The following ATP1A1 variants were observed in gnomAD, a reference collection of about 807,000 sequenced individuals.
ATP1A1 encodes the protein ATPase Na+/K+ transporting subunit alpha 1.
Under a neutral mutation model 114.8 loss-of-function variants are expected in ATP1A1, and 14 were observed. The ratio of observed to expected loss-of-function variants is 0.12; its 90% CI spans 0.08 to 0.19. ATP1A1 has a LOEUF of 0.19. ATP1A1 is among the 10% of genes least tolerant of loss of function. ATP1A1 has a pLI of 1.00. For missense variants in ATP1A1, 524 were observed against 1,290.7 expected (o/e 0.41, Z 9.10); for synonymous variants, 471 against 466.3 (o/e 1.01, Z -0.13).
intron 1 of ATP1A1, among the ~76,000 whole-genome samples, chr1:116,379,444 A>G (rs1651594541): frequency 6.6e-6 from 1 of 152,200 alleles, no homozygotes; most frequent in Non-Finnish European, 1.5e-5. Flanking sequence ...GTACTATGAC[A>G]GTGTCCTCCC....
chr1:116,388,115 G>A lies in ATP1A1; in HGVS notation c.388-16G>A, dbSNP rs771406455. 2.5e-6 allele frequency: 4 copies of A among 1,580,792 alleles called. No homozygotes were observed. The highest frequency in any genetic ancestry group is 1.1e-5 in the South Asian group (1 of 89,210). On this transcript the variant is annotated splice_polypyrimidine_tract_variant and intron_variant, in intron 4 of 22. Coordinates refer to ENST00000295598, the MANE Select transcript of ATP1A1 (RefSeq NM_000701.8). The surrounding 1 kb of genome is among the most constrained non-coding windows in gnomAD (Gnocchi z 5.6). ...TGTGTAGAGCCACGGGCCCTAACTT[G>A]TCTTTTCCCTTCCAGCTGTACCTGG...
chr1:116,377,712 C>G (rs1348944378), intron 1 of ATP1A1, among the ~76,000 whole-genome samples: 1 of 152,186 alleles, frequency 6.6e-6, no homozygotes, highest in African/African-American at 2.4e-5. Flanking sequence ...CTTCTAGCTG[C>G]CGAGGGCTCT....
chr1:116,403,357 A>G (rs1452739079), intron 21 of ATP1A1, among the ~76,000 whole-genome samples: 1 of 152,194 alleles, frequency 6.6e-6, no homozygotes, highest in Non-Finnish European at 1.5e-5. Context: ...CTTCGGGCTC[A>G]GCTTTTTTCA....
At chr1:116,383,941 C>T in intron 1 of ATP1A1, 73 bp from the exon 2 acceptor site, 11 of 1,288,356 alleles carry the variant, frequency 8.5e-6, no homozygotes, top group East Asian at 7.0e-5. Context: ...TACCAAAATC[C>T]CCTGCTCCAG....
rs1653127870 is a variant in ATP1A1, at chr1:116,398,561, A to G, written c.2125-60A>G. The G allele has an allele frequency of 2.5e-5, 39 of 1,572,144 alleles. No individual in the cohort carries two copies. Among genetic ancestry groups the G allele is most frequent in the Non-Finnish European group, 3.4e-5 (39 of 1,154,442 alleles). Reference sequence around the variant, plus strand: ...AGTGCTCAGTGGGGGCATGCATCGCACTATTTCCATCGCTAGGAAAAGTGA... The same window carrying G: ...AGTGCTCAGTGGGGGCATGCATCGCGCTATTTCCATCGCTAGGAAAAGTGA... On this transcript the variant is annotated intron_variant, in intron 15 of 22. Transcript: ENST00000295598. This position sits in a 1 kb window ranked among gnomAD's most constrained non-coding sequence, Gnocchi z 6.1.
Position 116,387,334 on chromosome 1 carries a change from C to T in ATP1A1, c.230C>T (p.Pro77Leu). ...RAAEILARDG[P>L]NALTPPPTTP... ...GCTGAGATCCTGGCGCGAGATGGTCCCAACGCCCTCACTCCCCCTCCCACT... is the reference window on the plus strand; with the variant it reads ...GCTGAGATCCTGGCGCGAGATGGTCTCAACGCCCTCACTCCCCCTCCCACT... The change falls in exon 4 of 23, where the codon CCC (proline) becomes CTC (leucine). Residue 77 changes from proline (P) to leucine (L), a missense_variant. Coordinates refer to ENST00000295598, the MANE Select transcript of ATP1A1 (RefSeq NM_000701.8). The surrounding 1 kb of genome is among the most constrained non-coding windows in gnomAD (Gnocchi z 6.7). 6.2e-7 allele frequency: 1 copy of T among 1,614,180 alleles called. No individual in the cohort carries two copies. The highest frequency in any genetic ancestry group is 1.1e-5 in the South Asian group (1 of 91,084).
chr1:116,373,874 G>T, intron 1 of ATP1A1: 1 of 1,274,156 alleles, frequency 7.8e-7, no homozygotes, highest in Non-Finnish European at 9.9e-7. Flanking sequence ...TGCAGCAGCG[G>T]GGGCGGCCCC....
In ATP1A1 at chr1:116,395,134, A is replaced by T; in HGVS notation, c.1685A>T (p.Asp562Val). 1 of 1,614,002 alleles carries T rather than the reference A, an allele frequency of 6.2e-7. No homozygotes were observed. Among genetic ancestry groups the T allele is most frequent in the Non-Finnish European group, 8.5e-7 (1 of 1,179,936 alleles). The stretch of plus-strand genomic sequence containing the variant: ...GGTTTCTGCCACCTCTTTCTGCCAG[A>T]TGAACAGTTTCCTGAAGGGTTCCAG... ...VLGFCHLFLP[D>V]EQFPEGFQFD... Residue 562 changes from aspartate to valine, a missense_variant, in exon 13 of 23, where the codon GAT becomes GTT. Asp to Val is a radical substitution (Grantham distance 152, BLOSUM62 -3). Around this residue, in one of 8 missense-constraint regions of ATP1A1, gnomAD observed 143 missense variants for 259.3 expected, o/e 0.55. Coordinates refer to ENST00000295598, the MANE Select transcript of ATP1A1 (RefSeq NM_000701.8). The surrounding 1 kb of genome is among the most constrained non-coding windows in gnomAD (Gnocchi z 6.4).
In ATP1A1 at chr1:116,389,129, T is replaced by C; in HGVS notation, c.754+110T>C. On this transcript the variant is annotated intron_variant, in intron 7 of 22. Transcript: ENST00000295598. This position sits in a 1 kb window ranked among gnomAD's most constrained non-coding sequence, Gnocchi z 6.9. Reference sequence around the variant, plus strand: ...TTTTATTGGCTCCATTTCTGAGAACTTGTGTCAAGCACAGAGCAGAGGTGT... The same window carrying C: ...TTTTATTGGCTCCATTTCTGAGAACCTGTGTCAAGCACAGAGCAGAGGTGT... The C allele has an allele frequency of 1.8e-6, 2 of 1,132,224 alleles. No individual in the cohort carries two copies. The highest frequency in any genetic ancestry group is 2.6e-6 in the Non-Finnish European group (2 of 767,882). 70.1% of individuals were successfully genotyped at this position (1,132,224 alleles called of 1,614,324 possible).
chr1:116,385,215 A>G lies in ATP1A1; in HGVS notation c.183+373A>G, dbSNP rs1652006193. 4 of 238,410 alleles carry G rather than the reference A, an allele frequency of 1.7e-5. No individual in the cohort carries two copies. The highest frequency in any genetic ancestry group is 1.2e-4 in the Admixed American group (2 of 16,272). The allele number at this position is 238,410 out of a possible 1,614,324, so 14.8% of individuals were successfully genotyped here. On this transcript the variant is annotated intron_variant, in intron 3 of 22. Coordinates refer to ENST00000295598, the MANE Select transcript of ATP1A1 (RefSeq NM_000701.8). The surrounding 1 kb of genome is among the most constrained non-coding windows in gnomAD (Gnocchi z 4.3). ...AATCTTTCACCTAGTTGAATCTTCA[A>G]CAATTCCCATTTTTGCACTTTTCCC...
At position 116,373,288 on chromosome 1, in the gene ATP1A1, G is replaced by A. The variant is rs765782468; in HGVS notation, c.-224G>A. 2.2e-3 allele frequency: 906 copies of A among 406,270 alleles called. No individual in the cohort carries two copies. Among genetic ancestry groups the A allele is most frequent in the Non-Finnish European group, 3.0e-3 (700 of 231,228 alleles). The allele number at this position is 406,270 out of a possible 1,614,324, so 25.2% of individuals were successfully genotyped here. A position where few individuals can be genotyped will look rare whatever the true frequency, so the allele number is the denominator to read the frequency against. On this transcript the variant is annotated 5_prime_UTR_variant, in exon 1 of 23. Transcript: ENST00000295598. The stretch of plus-strand genomic sequence containing the variant: ...GGGCGCAGAGCAGCGGCGGGAGGAG[G>A]CGGACACGTGGCAACAGCGGTAGCA...
chr1:116,386,240 A>G (rs1003722866), intron 3 of ATP1A1: 1 of 152,076 alleles, frequency 6.6e-6, no homozygotes, highest in Non-Finnish European at 1.5e-5. Context: ...AGCTCAGAAC[A>G]ACATGCCAAC....
chr1:116,390,750 G>C lies in ATP1A1; in HGVS notation c.1223-32G>C, dbSNP rs12130872. 3.7e-5 allele frequency: 58 copies of C among 1,557,228 alleles called. No individual in the cohort carries two copies. The East Asian group carries it at 1.2e-3, about 33-fold the overall frequency. Reference sequence around the variant, plus strand: ...ACACAGCCTTTGAAGTTAATGCATTGTTGTTCTGTTGTGTTTTCTTGCCTC... The same window carrying C: ...ACACAGCCTTTGAAGTTAATGCATTCTTGTTCTGTTGTGTTTTCTTGCCTC... On this transcript the variant is annotated intron_variant, in intron 9 of 22. Transcript: ENST00000295598.
At position 116,393,341 on chromosome 1, in the gene ATP1A1, A is replaced by G. The variant is rs1282069302; in HGVS notation, c.1468-190A>G. 7.1e-6 allele frequency among the ~76,000 whole-genome samples: 1 copy of G among 141,712 alleles called. No homozygotes were observed. Among genetic ancestry groups the G allele is most frequent in the East Asian group, 1.9e-4 (1 of 5,168 alleles). The allele number at this position is 141,712 out of a possible 152,430, so 93.0% of individuals were successfully genotyped here. ...AATGTCAGGAATTTATGAATATATCATAGTGCTCATTTTTTTTTTTTTCTG... is the reference window on the plus strand; with the variant it reads ...AATGTCAGGAATTTATGAATATATCGTAGTGCTCATTTTTTTTTTTTTCTG... On this transcript the variant is annotated intron_variant, in intron 11 of 22. Transcript: ENST00000295598. This position sits in a 1 kb window ranked among gnomAD's most constrained non-coding sequence, Gnocchi z 5.0.
Position 116,387,845 on chromosome 1 carries a change from C to T in ATP1A1, c.388-286C>T, listed in dbSNP as rs1440157087. On this transcript the variant is annotated intron_variant, in intron 4 of 22. Transcript: ENST00000295598. The surrounding 1 kb of genome is among the most constrained non-coding windows in gnomAD (Gnocchi z 6.7). ...ATGCTTGGTGGCCATTCTTCAAAATCCACAAGTTGGTTGAAAAACAATCTT... is the reference window on the plus strand; with the variant it reads ...ATGCTTGGTGGCCATTCTTCAAAATTCACAAGTTGGTTGAAAAACAATCTT... Among the ~76,000 whole-genome samples the T allele has an allele frequency of 6.6e-6, 1 of 152,200 alleles. No individual in the cohort carries two copies. The highest frequency in any genetic ancestry group is 1.5e-5 in the Non-Finnish European group (1 of 68,016).
In ATP1A1 at chr1:116,393,450, T is replaced by G. The variant is rs1020133696; in HGVS notation, c.1468-81T>G. The G allele has an allele frequency of 1.4e-5, 20 of 1,435,444 alleles. No homozygotes were observed. The African/African-American group carries it at 2.6e-4, about 18-fold the overall frequency. 88.9% of individuals were successfully genotyped at this position (1,435,444 alleles called of 1,614,324 possible). ...TGGGTCTTTTATAGCAAATACTAAA[T>G]AGTAAGTGAAGCTTTGTTTTCCACC... On this transcript the variant is annotated intron_variant, in intron 11 of 22. Coordinates refer to ENST00000295598, the MANE Select transcript of ATP1A1 (RefSeq NM_000701.8). This position sits in a 1 kb window ranked among gnomAD's most constrained non-coding sequence, Gnocchi z 5.0.
At chr1:116,383,002 G>A (rs1202264559) in intron 1 of ATP1A1, among the ~76,000 whole-genome samples, 1 of 152,172 alleles carries the variant, frequency 6.6e-6, no homozygotes, top group East Asian at 1.9e-4. Flanking sequence ...GCTAAGCTTT[G>A]GAGCACCAAG....
chr1:116,400,895 C>A lies in ATP1A1; in HGVS notation c.2607C>A (p.Tyr869Ter). ...AGGCCCTGGGAGGCTTCTTTACTTA[C>A]TTTGTGATTCTGGCTGAGAACGGCT... ...MIQALGGFFTYFVILAENGFL... is the reference protein window; with the variant it reads ...MIQALGGFFT The change falls in exon 19 of 23, where the codon TAC (tyrosine) becomes TAA (stop). Residue 869 changes from tyrosine (Y) to a stop codon, truncating the protein, a stop_gained. Coordinates refer to ENST00000295598, the MANE Select transcript of ATP1A1 (RefSeq NM_000701.8). LOFTEE classifies it high-confidence loss of function. 1 of 1,614,220 alleles carries A rather than the reference C, an allele frequency of 6.2e-7. No homozygotes were observed. The highest frequency in any genetic ancestry group is 8.5e-7 in the Non-Finnish European group (1 of 1,180,048).
At position 116,403,952 on chromosome 1, in the gene ATP1A1, T is replaced by G. The variant is rs1490428511; in HGVS notation, c.3020T>G (p.Leu1007Arg). ...TTCGTATATGACGAAGTCAGAAAAC[T>G]CATCATCAGGCGACGCCCTGGCGGT... ...LIFVYDEVRK[L>R]IIRRRPGGWV... Residue 1007 changes from leucine (L) to arginine (R), a missense_variant, in exon 22 of 23, where the codon CTC becomes CGC. Coordinates refer to ENST00000295598, the MANE Select transcript of ATP1A1 (RefSeq NM_000701.8). 6.2e-7 allele frequency: 1 copy of G among 1,614,118 alleles called. No homozygotes were observed. The highest frequency in any genetic ancestry group is 1.3e-5 in the African/African-American group (1 of 74,952).
Sources: allele counts gnomAD v4.1 joint callset (sites outside exome capture counted in the v4.1 genomes callset), GRCh38; gene constraint gnomAD v4.1.1; regional missense constraint gnomAD v4.1.1; non-coding constraint Gnocchi (gnomAD v3.1); transcripts MANE v1.5; gene names NCBI Gene and HGNC (gene_info 2026-07-23, HGNC 2026-07-21).